Variants in WWOX observed in about 807,000 individuals in gnomAD.
WWOX encodes WW domain containing oxidoreductase.
A neutral mutation model predicts 46.2 loss-of-function variants in WWOX; 69 were observed. The observed-to-expected ratio is 1.49, with a 90% CI of 1.23 to 1.82. The LOEUF (loss-of-function observed/expected upper bound fraction) is 1.82. WWOX is among the 40% of genes most tolerant of loss of function. The probability of loss-of-function intolerance (pLI) is 0.00; values close to 1 mark genes in which losing one functional copy is unlikely to be tolerated. For missense variants in WWOX, 919 were observed against 542.6 expected (o/e 1.69, Z -6.89); for synonymous variants, 359 against 202.6 (o/e 1.77, Z -6.56).
chr16:78,565,314 T>A (rs918805124), intron 8 of WWOX, among the ~76,000 whole-genome samples: 11 of 152,234 alleles, frequency 7.2e-5, no homozygotes, highest in African/African-American at 2.7e-4. Context: ...CAGTCTCACC[T>A]GGTCAAGATG....
Position 78,842,758 on chromosome 16 carries a change from A to AAATAAT in WWOX, c.1057-368850_1057-368849insAATAAT, listed in dbSNP as rs1394139558. Among the ~76,000 whole-genome samples, 332 of 133,408 alleles carry AAATAAT rather than the reference A, an allele frequency of 2.5e-3. 23 individuals carry two copies. The highest frequency in any genetic ancestry group is 3.7e-3 in the Non-Finnish European group (209 of 56,744). 87.5% of individuals were successfully genotyped at this position (133,408 alleles called of 152,430 possible). On this transcript the variant is annotated intron_variant, in intron 8 of 8. Coordinates refer to ENST00000566780, the MANE Select transcript of WWOX (RefSeq NM_016373.4). The stretch of plus-strand genomic sequence containing the variant: ...CCGCAGCTACTCAGGAGGCTGAGGC[A>AAATAAT]GTAGATTCATTTGAGCCCAGGAGGC...
chr16:78,563,472 C>T (rs1042823572), intron 8 of WWOX, among the ~76,000 whole-genome samples: 7 of 146,778 alleles, frequency 4.8e-5, no homozygotes, highest in South Asian at 2.2e-4. Context: ...GTTCAGGATA[C>T]GGGCACTCGT....
chr16:78,404,615 G>C (rs1016742283), intron 6 of WWOX, among the ~76,000 whole-genome samples: 3 of 152,084 alleles, frequency 2.0e-5, no homozygotes, highest in Non-Finnish European at 4.4e-5. Context: ...TTAAGGACGG[G>C]ACTATGGTTC....
chr16:79,048,565 G>C (rs997114580), intron 8 of WWOX, among the ~76,000 whole-genome samples: 2 of 152,236 alleles, frequency 1.3e-5, no homozygotes, highest in Non-Finnish European at 2.9e-5. Flanking sequence ...ATTATGCACA[G>C]TGGGCCATCC....
chr16:79,154,348 C>T (rs2050339104), intron 8 of WWOX, among the ~76,000 whole-genome samples: 1 of 152,214 alleles, frequency 6.6e-6, no homozygotes, highest in African/African-American at 2.4e-5. Flanking sequence ...CTGTCCTAGA[C>T]ACCAGTTCTC....
At chr16:78,974,711 C>T (rs1324283592) in intron 8 of WWOX, among the ~76,000 whole-genome samples, 1 of 152,112 alleles carries the variant, frequency 6.6e-6, no homozygotes, top group Non-Finnish European at 1.5e-5. Context: ...TACAGAGTTG[C>T]CACTTTGCCA....
At chr16:78,352,201 G>A (rs2081199819) in intron 5 of WWOX, among the ~76,000 whole-genome samples, 1 of 152,224 alleles carries the variant, frequency 6.6e-6, no homozygotes, top group Non-Finnish European at 1.5e-5. Context: ...GGAGCCAGAA[G>A]TTTGGATGTG....
chr16:78,608,103 A>T (rs1272284910), intron 8 of WWOX, among the ~76,000 whole-genome samples: 2 of 152,224 alleles, frequency 1.3e-5, no homozygotes, highest in Non-Finnish European at 2.9e-5. Flanking sequence ...ATATGATGTG[A>T]TGTGGCTTTC....
chr16:78,236,089 A>T (rs2151813276), intron 5 of WWOX, among the ~76,000 whole-genome samples: 1 of 152,360 alleles, frequency 6.6e-6, no homozygotes, highest in South Asian at 2.1e-4. Flanking sequence ...GCAGTGGGCC[A>T]GATTCAGCCC....
intron 8 of WWOX, among the ~76,000 whole-genome samples, chr16:78,811,422 C>G (rs2051185030): frequency 6.6e-6 from 1 of 152,014 alleles, no homozygotes. Flanking sequence ...CTTTCTTCAT[C>G]TCCCTCTTCC....
intron 8 of WWOX, among the ~76,000 whole-genome samples, chr16:78,861,570 A>C (rs2043886570): frequency 6.6e-6 from 1 of 152,184 alleles, no homozygotes; most frequent in Non-Finnish European, 1.5e-5. Flanking sequence ...TGAGTAACTA[A>C]AAGTAAGGTC....
chr16:78,882,475 C>CT (rs59829665), intron 8 of WWOX, among the ~76,000 whole-genome samples: 37,398 of 144,644 alleles, frequency 0.26, 5,017 homozygotes, highest in Middle Eastern at 0.38. Flanking sequence ...CACCATACAT[C>CT]TTTTTTTTTT....
intron 8 of WWOX, among the ~76,000 whole-genome samples, chr16:79,040,753 C>T (rs1417460975): frequency 6.6e-6 from 1 of 152,048 alleles, no homozygotes; most frequent in African/African-American, 2.4e-5. Context: ...GACTTGTCAG[C>T]CAGGGAACCT....
At chr16:78,437,767 A>G (rs1250062707) in intron 8 of WWOX, among the ~76,000 whole-genome samples, 1 of 152,228 alleles carries the variant, frequency 6.6e-6, no homozygotes, top group South Asian at 2.1e-4. Flanking sequence ...ATGTTAAAGG[A>G]AACTAACATT....
At chr16:79,211,576 ATTT>A (rs202093359) in intron 8 of WWOX, 29 bp from the exon 9 acceptor site, 1 of 1,607,964 alleles carries the variant, frequency 6.2e-7, no homozygotes, top group Non-Finnish European at 8.5e-7. Flanking sequence ...TTTTCTTAAA[ATTT>A]TTTTTTGTCT....
chr16:79,051,927 T>C (rs2048174779), intron 8 of WWOX, among the ~76,000 whole-genome samples: 1 of 152,278 alleles, frequency 6.6e-6, no homozygotes, highest in African/African-American at 2.4e-5. Flanking sequence ...GGTCATAGCC[T>C]GTTCCTCTTC....
At chr16:79,145,581 C>G (rs745497686) in intron 8 of WWOX, among the ~76,000 whole-genome samples, 1 of 152,114 alleles carries the variant, frequency 6.6e-6, no homozygotes, top group Non-Finnish European at 1.5e-5. Context: ...TTCATGATAG[C>G]TGTCAATTGT....
Position 78,115,117 on chromosome 16 carries a change from C to T in WWOX, c.372C>T (p.Gly124=). The stretch of plus-strand genomic sequence containing the variant: ...TTCTCCAGGGCCGGGATTTCACTGG[C>T]AAAGTGGTTGTGGTCACTGGAGCTA... ...MEILQGRDFT[G]KVVVVTGANS... The change falls in exon 4 of 9, where the codon GGC becomes GGT. Residue 124 remains glycine, a synonymous_variant. Transcript: ENST00000566780. 1 of 1,614,198 alleles carries T rather than the reference C, an allele frequency of 6.2e-7. No homozygotes were observed.
intron 8 of WWOX, among the ~76,000 whole-genome samples, chr16:79,123,838 C>G (rs1306084000): frequency 2.6e-5 from 4 of 152,136 alleles, no homozygotes; most frequent in Admixed American, 6.5e-5. Flanking sequence ...ATTAGTGAAT[C>G]AAGAGAAACT....
Sources: allele counts gnomAD v4.1 joint callset (sites outside exome capture counted in the v4.1 genomes callset), GRCh38; gene constraint gnomAD v4.1.1; transcripts MANE v1.5; gene names NCBI Gene and HGNC (gene_info 2026-07-23, HGNC 2026-07-21).